ROR1: variants seen among roughly 807,000 people sequenced by gnomAD.
ROR1 encodes the protein ROR family WNT receptor 1, also known as inactive tyrosine-protein kinase transmembrane receptor ROR1.
A neutral mutation model predicts 78.8 loss-of-function variants in ROR1; 19 were observed. The observed-to-expected ratio is 0.24, with a 90% confidence interval of 0.17 to 0.35. The LOEUF is 0.35. Ranked by LOEUF, ROR1 falls within the 10% of genes least tolerant of loss-of-function variation. ROR1 has a pLI of 1.00. For missense variants in ROR1, 917 were observed against 1,177.8 expected (o/e 0.78, Z 3.24); for synonymous variants, 386 against 433.6 (o/e 0.89, Z 1.36).
chr1:64,015,720 C>A lies in ROR1; in HGVS notation c.163+6344C>A, dbSNP rs1472085033. Among the ~76,000 whole-genome samples the A allele has an allele frequency of 1.3e-5, 2 of 152,094 alleles. 1 individual carries two copies. Among genetic ancestry groups the A allele is most frequent in the Non-Finnish European group, 2.9e-5 (2 of 67,996 alleles). On this transcript the variant is annotated intron_variant, in intron 2 of 8. Transcript: ENST00000371079. ...CGTGGCAAGCTGATGAACAGTCTTC[C>A]TAGGACTGGGGTGTCTGAGAGCTTA...
intron 1 of ROR1, among the ~76,000 whole-genome samples, chr1:63,908,865 G>A (rs1645547756): frequency 6.6e-6 from 1 of 152,196 alleles, no homozygotes; most frequent in Non-Finnish European, 1.5e-5. Flanking sequence ...CTCCCACCAT[G>A]CCAGGACTCA....
chr1:63,992,180 A>AATT lies in ROR1; in HGVS notation c.92-17107_92-17105dup, dbSNP rs569361556. On this transcript the variant is annotated intron_variant, in intron 1 of 8. Transcript: ENST00000371079. ...GGAACAAATATCTGTGGAATAGGTTAATTATTATTATTATTATTATATTTA... is the reference window on the plus strand; with the variant it reads ...GGAACAAATATCTGTGGAATAGGTTAATTATTATTATTATTATTATTATATTTA... 7.0e-3 allele frequency among the ~76,000 whole-genome samples: 1,058 copies of AATT among 151,184 alleles called. 7 individuals carry two copies. Among genetic ancestry groups the AATT allele is most frequent in the African/African-American group, 9.4e-3 (387 of 41,264 alleles).
intron 1 of ROR1, among the ~76,000 whole-genome samples, chr1:63,980,651 C>T (rs1646202895): frequency 6.6e-6 from 1 of 152,242 alleles, no homozygotes. Context: ...TGCTTTCAAT[C>T]TCCTTCTTTT....
intron 1 of ROR1, among the ~76,000 whole-genome samples, chr1:63,831,076 G>A (rs1459832378): frequency 1.3e-5 from 2 of 152,222 alleles, no homozygotes; most frequent in Non-Finnish European, 2.9e-5. Flanking sequence ...GCCTTGGGAA[G>A]CTCTGCCCCT....
Position 64,161,300 on chromosome 1 carries a change from C to T in ROR1, c.1386+2108C>T, listed in dbSNP as rs561918521. ...AATAAAATGTGAATACAGGATCTTT[C>T]ACCTTTTCTAAATAGAGCTGGCCCT... On this transcript the variant is annotated intron_variant, in intron 8 of 8. Coordinates refer to ENST00000371079, the MANE Select transcript of ROR1 (RefSeq NM_005012.4). 3.9e-5 allele frequency among the ~76,000 whole-genome samples: 6 copies of T among 152,314 alleles called. No individual in the cohort carries two copies. In the South Asian group the frequency reaches 6.2e-4, roughly 16 times the overall value.
Position 63,894,610 on chromosome 1 carries a change from G to A in ROR1, c.92-114695G>A, listed in dbSNP as rs550535404. Among the ~76,000 whole-genome samples the A allele has an allele frequency of 2.6e-5, 4 of 152,154 alleles. No homozygotes were observed. The South Asian group carries it at 8.3e-4, about 32-fold the overall frequency. Reference sequence around the variant, plus strand: ...TCCTGTAGCACAGGGGAGGTTTTTGGGACAGGTGGGTAAGAGAAATATAAG... The same window carrying A: ...TCCTGTAGCACAGGGGAGGTTTTTGAGACAGGTGGGTAAGAGAAATATAAG... On this transcript the variant is annotated intron_variant, in intron 1 of 8. Transcript: ENST00000371079.
rs200952215 is a variant in ROR1 at position 64,093,583 on chromosome 1, C to CCACA, written c.482+42879_482+42882dup. ...TATCCTCCCCCCATACTACCTCCTA[C>CCACA]CACACACACACACACTCAGCAATAC... On this transcript the variant is annotated intron_variant, in intron 4 of 8. Transcript: ENST00000371079. Among the ~76,000 whole-genome samples the CCACA allele has an allele frequency of 3.3e-5, 5 of 151,348 alleles. No homozygotes were observed. The East Asian group carries it at 9.7e-4, about 29-fold the overall frequency.
chr1:64,072,430 T>G (rs1433754630), intron 4 of ROR1, among the ~76,000 whole-genome samples: 1 of 152,080 alleles, frequency 6.6e-6, no homozygotes, highest in African/African-American at 2.4e-5. Flanking sequence ...GGCTTGACGG[T>G]GGAATTAACA....
intron 1 of ROR1, among the ~76,000 whole-genome samples, chr1:63,851,852 A>G (rs945374335): frequency 6.6e-6 from 1 of 152,236 alleles, no homozygotes; most frequent in Non-Finnish European, 1.5e-5. Context: ...TTGGTGGATG[A>G]TAAGTGTTTT....
In ROR1 at chr1:64,028,681, A is replaced by G. The variant is rs78214538; in HGVS notation, c.163+19305A>G. On this transcript the variant is annotated intron_variant, in intron 2 of 8. Coordinates refer to ENST00000371079, the MANE Select transcript of ROR1 (RefSeq NM_005012.4). ...TTTTTTAGATACATAGTAGGTGTAT[A>G]TATTTATGGAGTTTTTGAGATATTT... Among the ~76,000 whole-genome samples the G allele has an allele frequency of 1.3e-3, 195 of 152,354 alleles. 4 individuals carry two copies. In the East Asian group the frequency reaches 0.03, roughly 24 times the overall value.
At chr1:64,139,961 T>A in intron 5 of ROR1, 148 bp from the exon 6 acceptor site, 1 of 701,528 alleles carries the variant, frequency 1.4e-6, no homozygotes, top group Non-Finnish European at 2.3e-6. Context: ...TGCTTAGACA[T>A]CTGAAATGAA....
intron 4 of ROR1, among the ~76,000 whole-genome samples, chr1:64,082,854 T>C (rs1204461461): frequency 6.6e-6 from 1 of 152,252 alleles, no homozygotes; most frequent in African/African-American, 2.4e-5. Context: ...TCTCCCTGCC[T>C]GCTCTTCTCT....
chr1:63,945,710 T>C (rs1645882001), intron 1 of ROR1, among the ~76,000 whole-genome samples: 1 of 152,230 alleles, frequency 6.6e-6, no homozygotes, highest in Non-Finnish European at 1.5e-5. Context: ...CCTTCTCTTC[T>C]GCATTCTAAT....
intron 1 of ROR1, among the ~76,000 whole-genome samples, chr1:63,934,501 A>C (rs1645778653): frequency 6.6e-6 from 1 of 152,176 alleles, no homozygotes; most frequent in Non-Finnish European, 1.5e-5. Context: ...TCATTGACAC[A>C]AAGGCCACAT....
intron 1 of ROR1, among the ~76,000 whole-genome samples, chr1:63,799,069 C>T (rs927469587): frequency 6.6e-5 from 10 of 151,962 alleles, no homozygotes; most frequent in African/African-American, 1.9e-4. Flanking sequence ...AATACTTTTG[C>T]TTAATGTTTC....
At chr1:64,066,858 C>T (rs1024943619) in intron 4 of ROR1, 52 of 151,994 alleles carry the variant, frequency 3.4e-4, no homozygotes, top group African/African-American at 1.1e-3. Flanking sequence ...AATTATTACC[C>T]GCTTTATTCA....
At position 64,179,024 on chromosome 1, in the gene ROR1, G is replaced by GAAAAAAAAAAAAAA. The variant is rs10709706; in HGVS notation, c.*178_*191dup. The GAAAAAAAAAAAAAA allele has an allele frequency of 3.8e-5, 6 of 157,844 alleles. No homozygotes were observed. The highest frequency in any genetic ancestry group is 5.6e-5 in the Non-Finnish European group (5 of 88,528). The allele number at this position is 157,844 out of a possible 1,614,324, so 9.8% of individuals were successfully genotyped here. Reference sequence around the variant, plus strand: ...ACCAAGCAGGACAGACACTCGGCCAGAAAAAAAAAAAAAAAAAAAAAACAA... The same window carrying GAAAAAAAAAAAAAA: ...ACCAAGCAGGACAGACACTCGGCCAGAAAAAAAAAAAAAAAAAAAAAAAAAAAAAAAAAAAACAA... On this transcript the variant is annotated 3_prime_UTR_variant, in exon 9 of 9. Transcript: ENST00000371079.
chr1:63,912,265 T>C (rs1285436944), intron 1 of ROR1, among the ~76,000 whole-genome samples: 2 of 148,868 alleles, frequency 1.3e-5, no homozygotes, highest in East Asian at 4.0e-4. Flanking sequence ...ACCATTGTAC[T>C]CCAGCCTGTT....
chr1:64,157,139 T>A, intron 7 of ROR1, among the ~76,000 whole-genome samples: 1 of 151,964 alleles, frequency 6.6e-6, no homozygotes, highest in Non-Finnish European at 1.5e-5. Context: ...TAAAATTGCG[T>A]TTTGTTTTGT....
Sources: gnomAD v4.1 joint callset for allele counts (sites outside exome capture counted in the v4.1 genomes callset) on GRCh38, gnomAD v4.1.1 for gene constraint, MANE v1.5 for transcripts, NCBI Gene and HGNC (gene_info 2026-07-23, HGNC 2026-07-21) for gene names.